The following PDZD2 variants were observed in gnomAD, a reference collection of about 807,000 sequenced individuals.
The protein encoded by PDZD2 is PDZ domain containing 2, also known as PDZ domain-containing protein 2.
In PDZD2, 90 loss-of-function variants were observed where a neutral mutation model predicts 220.7. The observed-to-expected ratio is 0.41, with a 90% CI of 0.34 to 0.49. PDZD2 has a LOEUF of 0.49. Ranked by LOEUF, PDZD2 falls within the 20% of genes least tolerant of loss-of-function variation. The pLI, the probability that PDZD2 is intolerant of heterozygous loss-of-function variation, is 0.28. For synonymous variants in PDZD2, 1,375 were observed against 1,450.5 expected, an observed-to-expected ratio of 0.95 and a Z score of 1.18; for missense variants, 3,174 against 3,608.5, an observed-to-expected ratio of 0.88 and a Z score of 3.08.
At chr5:32,052,572 T>A (rs957741932) in intron 8 of PDZD2, 39 bp from the exon 9 acceptor site, 1 of 1,602,500 alleles carries the variant, frequency 6.2e-7, no homozygotes, top group Non-Finnish European at 8.6e-7. Context: ...ATAGAACAAA[T>A]GAGAGTAATC....
rs941627093 is a variant in PDZD2, at chr5:31,799,532, A to G, written c.284A>G (p.Asp95Gly). The G allele has an allele frequency of 6.2e-7, 1 of 1,614,048 alleles. No homozygotes were observed. Among genetic ancestry groups the G allele is most frequent in the East Asian group, 2.2e-5 (1 of 44,870 alleles). Residue 95 changes from aspartate to glycine, a missense_variant, in exon 2 of 25, where the codon GAC (aspartate) becomes GGC (glycine). This residue lies in a region of PDZD2 where 632 missense variants were observed against 708.1 expected (regional missense o/e 0.89). Transcript: ENST00000438447. ...TTTGGGAACATCCCTGTTTTCGGGG[A>G]CTATGGTGAAAAGCGCAGGGGGGGC... ...LSFGNIPVFG[D>G]YGEKRRGGKK... is the part of the protein sequence containing the mutation.
At chr5:31,951,847 A>G (rs954350490) in intron 2 of PDZD2, among the ~76,000 whole-genome samples, 6 of 152,196 alleles carry the variant, frequency 3.9e-5, no homozygotes, top group Non-Finnish European at 7.3e-5. Flanking sequence ...AAAGCTTTGG[A>G]AAAAAAGTAT....
chr5:32,001,003 G>A (rs1752064321), intron 5 of PDZD2, among the ~76,000 whole-genome samples: 1 of 152,172 alleles, frequency 6.6e-6, no homozygotes, highest in African/African-American at 2.4e-5. Context: ...AGGAATGCGA[G>A]CCCTATTGTG....
At chr5:31,905,120 C>T (rs1252830207) in intron 2 of PDZD2, among the ~76,000 whole-genome samples, 10 of 152,132 alleles carry the variant, frequency 6.6e-5, no homozygotes, top group Admixed American at 6.5e-4. Flanking sequence ...AGGCACTCAC[C>T]ACCACGCCCG....
At chr5:31,691,147 C>G (rs1348365181) in intron 1 of PDZD2, among the ~76,000 whole-genome samples, 1 of 152,142 alleles carries the variant, frequency 6.6e-6, no homozygotes, top group Non-Finnish European at 1.5e-5. Flanking sequence ...CGGATGCATT[C>G]GGAGTTTCTT....
chr5:31,721,516 C>CTTT (rs752973527), intron 1 of PDZD2, among the ~76,000 whole-genome samples: 4 of 120,322 alleles, frequency 3.3e-5, no homozygotes, highest in African/African-American at 6.0e-5. Context: ...ATAACTGCCT[C>CTTT]TTTTTTTTTT....
At chr5:31,913,030 A>C (rs372853199) in intron 2 of PDZD2, among the ~76,000 whole-genome samples, 7 of 152,340 alleles carry the variant, frequency 4.6e-5, no homozygotes, top group African/African-American at 1.7e-4. Context: ...TGTAGGCCCA[A>C]GATCTGAAAA....
At chr5:31,929,466 A>G (rs1745061880) in intron 2 of PDZD2, among the ~76,000 whole-genome samples, 1 of 152,234 alleles carries the variant, frequency 6.6e-6, no homozygotes, top group Non-Finnish European at 1.5e-5. Flanking sequence ...AGTTTAAAAT[A>G]TCTGCGGACA....
At chr5:31,931,054 A>G (rs1156709899) in intron 2 of PDZD2, among the ~76,000 whole-genome samples, 2 of 151,884 alleles carry the variant, frequency 1.3e-5, no homozygotes, top group Non-Finnish European at 2.9e-5. Flanking sequence ...GCAGGGTCTC[A>G]CTCTTTTGCC....
intron 23 of PDZD2, chr5:32,100,447 A>G: frequency 4.4e-6 from 1 of 228,494 alleles, no homozygotes; most frequent in East Asian, 1.2e-4. Context: ...CGAAACCAGC[A>G]CACAGAGCCG....
rs200139394 is a variant in PDZD2 at position 32,088,806 on chromosome 5, G to C, written c.5358G>C (p.Leu1786Phe). Residue 1786 changes from leucine (L) to phenylalanine (F), a missense_variant, in exon 20 of 25, where the codon TTG becomes TTC. Around this residue, in one of 4 missense-constraint regions of PDZD2, gnomAD observed 1,861 missense variants for 2,001.0 expected, o/e 0.93. Transcript: ENST00000438447. The surrounding 1 kb of genome is among the most constrained non-coding windows in gnomAD (Gnocchi z 4.6). ...HISESQDLDD[L>F]LQKPKMIARR... is the part of the protein sequence containing the mutation. ...CTGAAAGTCAAGACCTGGATGACTT[G>C]CTACAGAAACCAAAAATGATCGCTA... is the stretch of plus-strand genomic sequence containing the variant. 334 of 1,613,886 alleles carry C rather than the reference G, an allele frequency of 2.1e-4. No individual in the cohort carries two copies. The highest frequency in any genetic ancestry group is 2.6e-4 in the Non-Finnish European group (309 of 1,179,936).
At chr5:31,796,055 C>T (rs1181676067) in intron 1 of PDZD2, among the ~76,000 whole-genome samples, 2 of 152,348 alleles carry the variant, frequency 1.3e-5, no homozygotes, top group East Asian at 3.9e-4. Flanking sequence ...TGTGGCCCCA[C>T]CCTCTTGGCC....
intron 2 of PDZD2, among the ~76,000 whole-genome samples, chr5:31,905,273 C>T (rs551382046): frequency 1.4e-4 from 21 of 152,294 alleles, no homozygotes; most frequent in South Asian, 4.1e-4. Flanking sequence ...CGTGAGCCAC[C>T]GCACTTGGCC....
intron 1 of PDZD2, among the ~76,000 whole-genome samples, chr5:31,684,041 G>C (rs1041075015): frequency 2.0e-5 from 3 of 151,976 alleles, no homozygotes; most frequent in Admixed American, 2.0e-4. Flanking sequence ...AAAAGCAAAG[G>C]CAATTGCCTC....
In PDZD2 at chr5:32,059,330, A is replaced by T. The variant is rs1739457130; in HGVS notation, c.2292A>T (p.Ser764=). ...GIYIHSLAPG[S]VAKMESNLSR... ...ACATTCACAGCCTTGCTCCAGGATC[A>T]GTGGCCAAGATGGAGAGCAACCTGA... The change falls in exon 13 of 25, where the codon TCA becomes TCT. Residue 764 remains serine, a synonymous_variant. Coordinates refer to ENST00000438447, the MANE Select transcript of PDZD2 (RefSeq NM_178140.4). 2.5e-6 allele frequency: 4 copies of T among 1,608,526 alleles called. No homozygotes were observed. Among genetic ancestry groups the T allele is most frequent in the Non-Finnish European group, 2.6e-6 (3 of 1,174,976 alleles).
At chr5:31,986,815 T>C (rs1309258127) in intron 3 of PDZD2, among the ~76,000 whole-genome samples, 1 of 152,212 alleles carries the variant, frequency 6.6e-6, no homozygotes, top group Non-Finnish European at 1.5e-5. Context: ...CAGGTACTTC[T>C]TTTTCATAGA....
Position 31,862,101 on chromosome 5 carries a change from G to GTTGTTTTTTTTTTTTTTTTTTTT in PDZD2, c.476+62379_476+62380insGTTTTTTTTTTTTTTTTTTTTTT, listed in dbSNP as rs768772887. Among the ~76,000 whole-genome samples the GTTGTTTTTTTTTTTTTTTTTTTT allele has an allele frequency of 2.5e-5, 2 of 78,496 alleles. 1 individual carries two copies. Among genetic ancestry groups the GTTGTTTTTTTTTTTTTTTTTTTT allele is most frequent in the Non-Finnish European group, 4.9e-5 (2 of 40,904 alleles). The allele number at this position is 78,496 out of a possible 152,430, so 51.5% of individuals were successfully genotyped here. A position where few individuals can be genotyped will look rare whatever the true frequency, so the allele number is the denominator to read the frequency against. On this transcript the variant is annotated intron_variant, in intron 2 of 24. Transcript: ENST00000438447. ...AATAGACTCAATGTTTTTTTTTTGG[G>GTTGTTTTTTTTTTTTTTTTTTTT]TTTTTTTTTTTTTTTTTTTTTTGAG...
chr5:31,810,473 C>A (rs534805184), intron 2 of PDZD2, among the ~76,000 whole-genome samples: 2 of 152,098 alleles, frequency 1.3e-5, no homozygotes, highest in Non-Finnish European at 2.9e-5. Flanking sequence ...CACTGTGTTA[C>A]CCAGGATGGT....
intron 2 of PDZD2, among the ~76,000 whole-genome samples, chr5:31,876,450 G>A (rs552026879): frequency 1.7e-4 from 26 of 152,034 alleles, no homozygotes; most frequent in Middle Eastern, 3.4e-3. Context: ...ATGCCCTCAT[G>A]CCTGGCTAAT....
Sources: gnomAD v4.1 joint callset for allele counts (sites outside exome capture counted in the v4.1 genomes callset) on GRCh38, gnomAD v4.1.1 for gene constraint, gnomAD v4.1.1 regional missense constraint, Gnocchi (gnomAD v3.1) non-coding constraint, MANE v1.5 for transcripts, NCBI Gene and HGNC (gene_info 2026-07-23, HGNC 2026-07-21) for gene names.